JMJD1C: variants seen among roughly 807,000 people sequenced by gnomAD.
The protein encoded by JMJD1C is jumonji domain-containing protein 1C.
A neutral mutation model predicts 245.3 loss-of-function variants in JMJD1C; 31 were observed. The observed-to-expected ratio is 0.13, with a 90% CI of 0.09 to 0.17. The LOEUF (loss-of-function observed/expected upper bound fraction) is 0.17. Among genes scored for constraint, JMJD1C ranks in the 10% least tolerant of loss-of-function variants. The probability of loss-of-function intolerance (pLI) is 1.00; values close to 1 mark genes in which losing one functional copy is unlikely to be tolerated. For synonymous variants in JMJD1C, 1,057 were observed against 1,017.4 expected, an observed-to-expected ratio of 1.04 and a Z score of -0.74; for missense variants, 2,691 against 3,000.2, an observed-to-expected ratio of 0.90 and a Z score of 2.41.
At chr10:63,463,822 T>C (rs915966582) in intron 1 of JMJD1C, among the ~76,000 whole-genome samples, 2 of 152,160 alleles carry the variant, frequency 1.3e-5, no homozygotes, top group Non-Finnish European at 1.5e-5. Context: ...AACATTTCTA[T>C]CACCTGAAGA....
At chr10:63,335,404 G>C (rs181144177) in intron 2 of JMJD1C, among the ~76,000 whole-genome samples, 88 of 152,276 alleles carry the variant, frequency 5.8e-4, no homozygotes, top group Non-Finnish European at 1.0e-3. Context: ...CAGTTAAAAA[G>C]CTAAATATTC....
intron 2 of JMJD1C, among the ~76,000 whole-genome samples, chr10:63,297,049 T>C (rs1486158597): frequency 2.6e-5 from 4 of 152,182 alleles, no homozygotes; most frequent in African/African-American, 7.2e-5. Context: ...GTCATCTCCT[T>C]TGGCATCTTT....
chr10:63,360,142 T>A (rs1018693461), intron 2 of JMJD1C, among the ~76,000 whole-genome samples: 1 of 151,968 alleles, frequency 6.6e-6, no homozygotes, highest in African/African-American at 2.4e-5. Context: ...AGATCCCCCA[T>A]CTCTTAAAAA....
At chr10:63,307,706 A>T (rs976530008) in intron 2 of JMJD1C, among the ~76,000 whole-genome samples, 4 of 152,188 alleles carry the variant, frequency 2.6e-5, no homozygotes, top group Non-Finnish European at 5.9e-5. Context: ...TTAAGAAAAA[A>T]AAAATAGATC....
At chr10:63,199,294 A>G (rs1222051341) in intron 11 of JMJD1C, among the ~76,000 whole-genome samples, 1 of 152,182 alleles carries the variant, frequency 6.6e-6, no homozygotes, top group Non-Finnish European at 1.5e-5. Context: ...CTCTATTCAG[A>G]GAAGTTTATG....
chr10:63,493,174 T>G (rs944967227), intron 1 of JMJD1C, among the ~76,000 whole-genome samples: 3 of 151,520 alleles, frequency 2.0e-5, no homozygotes, highest in African/African-American at 7.3e-5. Flanking sequence ...CAAAAAGATA[T>G]TCCTACAATC....
intron 1 of JMJD1C, among the ~76,000 whole-genome samples, chr10:63,420,714 C>CAA (rs35090799): frequency 0.18 from 8,669 of 47,378 alleles, 776 homozygotes; most frequent in East Asian, 0.38. Flanking sequence ...GACCCAGTCT[C>CAA]AAAAAAAAAA....
At chr10:63,226,685 A>G (rs7896294) in intron 3 of JMJD1C, among the ~76,000 whole-genome samples, 21,449 of 140,424 alleles carry the variant, frequency 0.15, 3,664 homozygotes, top group African/African-American at 0.43. Context: ...ACTGTACTTC[A>G]GCCTGGGCGA....
rs182884955 is a variant in JMJD1C, at chr10:63,175,716, T to C, written c.7401+581A>G. On this transcript the variant is annotated intron_variant, in intron 24 of 25. Coordinates refer to ENST00000399262, the MANE Select transcript of JMJD1C (RefSeq NM_032776.3). ...TAATTTTAAGGGTTAACCTGGGCTGTAGTAGCCCCATTCCACCTATAGGAA... is the reference window on the plus strand; with the variant it reads ...TAATTTTAAGGGTTAACCTGGGCTGCAGTAGCCCCATTCCACCTATAGGAA... Among the ~76,000 whole-genome samples the C allele has an allele frequency of 4.2e-3, 634 of 152,328 alleles. 7 individuals are homozygous for C. The highest frequency in any genetic ancestry group is 0.014 in the African/African-American group (598 of 41,568).
intron 3 of JMJD1C, among the ~76,000 whole-genome samples, chr10:63,262,289 AT>A (rs532874304): frequency 4.4e-4 from 67 of 151,804 alleles, no homozygotes; most frequent in African/African-American, 1.4e-3. Flanking sequence ...CGAACTCTAA[AT>A]TTTTTTTTCT....
intron 1 of JMJD1C, among the ~76,000 whole-genome samples, chr10:63,497,772 G>A (rs1425747483): frequency 6.6e-6 from 1 of 152,144 alleles, no homozygotes; most frequent in Non-Finnish European, 1.5e-5. Flanking sequence ...TTGCAAACTG[G>A]GAGTAACGAC....
intron 3 of JMJD1C, among the ~76,000 whole-genome samples, chr10:63,221,309 TG>T (rs1848573707): frequency 6.6e-6 from 1 of 152,218 alleles, no homozygotes; most frequent in Non-Finnish European, 1.5e-5. Context: ...CCAGGTAAAG[TG>T]TTTCCTTCTC....
At chr10:63,421,388 A>C (rs1257168900) in intron 1 of JMJD1C, among the ~76,000 whole-genome samples, 2 of 152,212 alleles carry the variant, frequency 1.3e-5, no homozygotes, top group African/African-American at 4.8e-5. Context: ...AAGCAAGAAA[A>C]TTATTGCCAT....
intron 2 of JMJD1C, among the ~76,000 whole-genome samples, chr10:63,336,943 C>A (rs1442755757): frequency 6.6e-6 from 1 of 152,010 alleles, no homozygotes. Flanking sequence ...TGTGTTCAAG[C>A]GATTCTCCTG....
At chr10:63,499,548 A>T (rs1249807406) in intron 1 of JMJD1C, among the ~76,000 whole-genome samples, 2 of 152,164 alleles carry the variant, frequency 1.3e-5, no homozygotes, top group Non-Finnish European at 2.9e-5. Context: ...CCTTCGTGTC[A>T]AGTGAAAAAA....
intron 2 of JMJD1C, among the ~76,000 whole-genome samples, chr10:63,364,456 T>C (rs1401378875): frequency 2.0e-5 from 3 of 152,224 alleles, no homozygotes; most frequent in African/African-American, 4.8e-5. Flanking sequence ...CTTTTTTTGT[T>C]GTTGCTATCT....
At chr10:63,411,403 A>T (rs1021069710) in intron 1 of JMJD1C, among the ~76,000 whole-genome samples, 1 of 146,696 alleles carries the variant, frequency 6.8e-6, no homozygotes, top group African/African-American at 2.6e-5. Flanking sequence ...GGGTCAAGCG[A>T]TTCTCCTGCC....
intron 16 of JMJD1C, among the ~76,000 whole-genome samples, chr10:63,192,146 T>C (rs1289782301): frequency 6.6e-6 from 1 of 150,982 alleles, no homozygotes; most frequent in Non-Finnish European, 1.5e-5. Flanking sequence ...AGGCTGGGTA[T>C]GGTGGCTCAT....
intron 2 of JMJD1C, among the ~76,000 whole-genome samples, chr10:63,312,337 A>G (rs1824137059): frequency 6.6e-6 from 1 of 151,872 alleles, no homozygotes; most frequent in South Asian, 2.1e-4. Context: ...CTAACTCCTG[A>G]CCTCAGGTGA....
Sources: gnomAD v4.1 joint callset for allele counts (sites outside exome capture counted in the v4.1 genomes callset) on GRCh38, gnomAD v4.1.1 for gene constraint, MANE v1.5 for transcripts, NCBI Gene and HGNC (gene_info 2026-07-23, HGNC 2026-07-21) for gene names.